Variants in ORC2 observed in about 807,000 individuals in gnomAD.
ORC2 encodes the protein origin recognition complex protein 2 homolog.
Under a neutral mutation model 77.7 loss-of-function variants are expected in ORC2, and 37 were observed. That is an observed-to-expected ratio of 0.48 (90% CI 0.37 to 0.63). The LOEUF (loss-of-function observed/expected upper bound fraction) is 0.63, where lower values mean the gene tolerates loss of function less well. Among genes scored for constraint, ORC2 ranks in the 20% least tolerant of loss-of-function variants. The pLI is 0.00. For synonymous variants in ORC2, 201 were observed against 229.5 expected, an observed-to-expected ratio of 0.88 and a Z score of 1.12; for missense variants, 557 against 661.9, an observed-to-expected ratio of 0.84 and a Z score of 1.74.
chr2:200,913,028 CAAAA>C (rs1553492111), intron 17 of ORC2, among the ~76,000 whole-genome samples: 2 of 152,068 alleles, frequency 1.3e-5, no homozygotes, highest in Non-Finnish European at 2.9e-5. Context: ...AGGGAAAAAA[CAAAA>C]GAACAGAATT....
chr2:200,914,736 C>G (rs1314472973), intron 15 of ORC2, among the ~76,000 whole-genome samples: 1 of 151,936 alleles, frequency 6.6e-6, no homozygotes, highest in Non-Finnish European at 1.5e-5. Context: ...GTGACAGACA[C>G]CCTGTCTCAA....
intron 4 of ORC2, among the ~76,000 whole-genome samples, chr2:200,954,972 C>G (rs1448702830): frequency 6.6e-6 from 1 of 151,512 alleles, no homozygotes; most frequent in Non-Finnish European, 1.5e-5. Context: ...AGTACTGATT[C>G]TCTCAGGCCT....
Position 200,933,776 on chromosome 2 carries a change from A to G in ORC2, c.807+100T>C, listed in dbSNP as rs1176915724. Reference sequence around the variant, plus strand: ...ACTTGTGTTTCATTTGATCAGGACAATAATTCTACTTGTGTATACTTTTCA... The same window carrying G: ...ACTTGTGTTTCATTTGATCAGGACAGTAATTCTACTTGTGTATACTTTTCA... On this transcript the variant is annotated intron_variant, in intron 10 of 17. Coordinates refer to ENST00000234296, the MANE Select transcript of ORC2 (RefSeq NM_006190.5). 9.7e-6 allele frequency: 6 copies of G among 621,148 alleles called. No homozygotes were observed. The East Asian group carries it at 1.3e-4, about 14-fold the overall frequency. The allele number at this position is 621,148 out of a possible 1,614,324, so 38.5% of individuals were successfully genotyped here.
At chr2:200,923,965 T>C (rs1414991400) in intron 13 of ORC2, among the ~76,000 whole-genome samples, 3 of 152,188 alleles carry the variant, frequency 2.0e-5, no homozygotes, top group African/African-American at 7.2e-5. Context: ...GGATTATAAA[T>C]AAATGTTAGC....
intron 17 of ORC2, 146 bp downstream of exon 17, chr2:200,913,149 T>C: frequency 1.9e-6 from 1 of 515,820 alleles, no homozygotes; most frequent in Non-Finnish European, 3.3e-6. Context: ...TTCTACAAAC[T>C]CAAATGGCAC....
chr2:200,957,447 G>C lies in ORC2; in HGVS notation c.192C>G (p.Val64=). 1 of 1,610,188 alleles carries C rather than the reference G, an allele frequency of 6.2e-7. No individual in the cohort carries two copies. Among genetic ancestry groups the C allele is most frequent in the Non-Finnish European group, 8.5e-7 (1 of 1,178,260 alleles). ...TTTCCACATAGTTCTGATCTTTTAA[G>C]ACCTCCTGGTCATCTTCCTCCAAAT... ...EYDLEEDDQE[V]LKDQNYVEIM... The change falls in exon 4 of 18, where the codon GTC becomes GTG. Residue 64 remains valine (V), a synonymous_variant. Coordinates refer to ENST00000234296, the MANE Select transcript of ORC2 (RefSeq NM_006190.5).
rs1156283768 is a variant in ORC2, at chr2:200,963,618, G to C, written c.-188C>G. ...AGCCAATTTCCAGTAATTCGCGCCC[G>C]ACCACCGGGGAGGTAAGGAGCACCG... On this transcript the variant is annotated 5_prime_UTR_variant, in exon 1 of 18. Coordinates refer to ENST00000234296, the MANE Select transcript of ORC2 (RefSeq NM_006190.5). 1 of 398,442 alleles carries C rather than the reference G, an allele frequency of 2.5e-6. No homozygotes were observed. The allele number at this position is 398,442 out of a possible 1,614,324, so 24.7% of individuals were successfully genotyped here.
intron 8 of ORC2, among the ~76,000 whole-genome samples, chr2:200,937,108 A>G (rs2041061426): frequency 6.6e-6 from 1 of 152,158 alleles, no homozygotes; most frequent in African/African-American, 2.4e-5. Context: ...CAGGTACCAG[A>G]AAGTATCTCT....
chr2:200,926,968 C>T (rs1575159757), intron 11 of ORC2, 68 bp from the exon 12 acceptor site: 1 of 1,470,202 alleles, frequency 6.8e-7, no homozygotes, highest in Non-Finnish European at 9.4e-7. Flanking sequence ...TATTATCAAC[C>T]AGTTTCCTTA....
In ORC2 at chr2:200,920,294, A is replaced by T; in HGVS notation, c.1394T>A (p.Leu465Gln). Residue 465 changes from leucine to glutamine, a missense_variant, in exon 15 of 18, where the codon CTG (leucine) becomes CAG (glutamine). Physicochemically the swap from Leu to Gln is moderately radical, Grantham distance 113 (BLOSUM62 -2). Transcript: ENST00000234296. ...TGGCAGGGATCCAGACTGCTTTACC[A>T]GAAGAGAGTTCTCATAGGAGGTTTC... ...TEETSYENSL[L>Q]VKQSGSLPLS... The T allele has an allele frequency of 6.2e-7, 1 of 1,613,992 alleles. No homozygotes were observed. Among genetic ancestry groups the T allele is most frequent in the Non-Finnish European group, 8.5e-7 (1 of 1,179,902 alleles).
chr2:200,919,400 G>A lies in ORC2; in HGVS notation c.1466+822C>T, dbSNP rs751098730. 8.6e-5 allele frequency among the ~76,000 whole-genome samples: 13 copies of A among 151,758 alleles called. No homozygotes were observed. In the East Asian group the frequency reaches 2.1e-3, roughly 25 times the overall value. ...TTTGAGACAGAGATTGCTCTGTCAC[G>A]CAGGCTGGAGTGCAGTGGTGCAATC... On this transcript the variant is annotated intron_variant, in intron 15 of 17. Transcript: ENST00000234296.
chr2:200,954,904 G>A (rs6713233), intron 4 of ORC2, among the ~76,000 whole-genome samples: 22,525 of 144,176 alleles, frequency 0.16, 1,999 homozygotes, highest in African/African-American at 0.19. Context: ...ATGAATGAAT[G>A]AATAAATAAA....
At chr2:200,942,628 G>A in intron 6 of ORC2, 57 bp downstream of exon 6, 1 of 842,288 alleles carries the variant, frequency 1.2e-6, no homozygotes, top group Non-Finnish European at 1.9e-6. Context: ...AAAGTAACAT[G>A]CTCTATCTTG....
At chr2:200,936,795 G>C (rs1009518581) in intron 8 of ORC2, among the ~76,000 whole-genome samples, 1 of 152,092 alleles carries the variant, frequency 6.6e-6, no homozygotes, top group African/African-American at 2.4e-5. Context: ...CAACTCCCCA[G>C]AAATAATATA....
In ORC2 at chr2:200,963,572, AC is replaced by A. The variant is rs1425466309; in HGVS notation, c.-143del. The A allele has an allele frequency of 1.5e-5, 6 of 398,434 alleles. No individual in the cohort carries two copies. The highest frequency in any genetic ancestry group is 8.2e-5 in the African/African-American group (4 of 48,648). 24.7% of individuals were successfully genotyped at this position (398,434 alleles called of 1,614,324 possible). A position where few individuals can be genotyped will look rare whatever the true frequency, so the allele number is the denominator to read the frequency against. On this transcript the variant is annotated 5_prime_UTR_variant, in exon 1 of 18. Transcript: ENST00000234296. ...GCTGAGTCGCCGCCGCAGGGAAGGT[AC>A]CTTCGGCCCCAACGGGAAAAGCCAA...
At chr2:200,921,616 G>A (rs909075409) in intron 13 of ORC2, 1 of 152,078 alleles carries the variant, frequency 6.6e-6, no homozygotes, top group African/African-American at 2.4e-5. Flanking sequence ...CTGAAGTCAG[G>A]CCCTACAGAA....
chr2:200,914,872 A>G (rs1233913135), intron 15 of ORC2, among the ~76,000 whole-genome samples: 1 of 152,154 alleles, frequency 6.6e-6, no homozygotes, highest in Non-Finnish European at 1.5e-5. Context: ...TGGTGTTGAG[A>G]TCATACTGGG....
intron 10 of ORC2, 24 bp from the exon 11 acceptor site, chr2:200,931,472 A>T (rs1452315982): frequency 7.8e-7 from 1 of 1,286,504 alleles, no homozygotes; most frequent in African/African-American, 1.5e-5. Flanking sequence ...GAGGAGGGGA[A>T]AAAAGTCATT....
chr2:200,938,190 A>G (rs2041083019), intron 7 of ORC2, among the ~76,000 whole-genome samples: 2 of 152,082 alleles, frequency 1.3e-5, no homozygotes, highest in South Asian at 2.1e-4. Context: ...CACCACACCC[A>G]GCTAATTTTT....
Sources: allele counts gnomAD v4.1 joint callset (sites outside exome capture counted in the v4.1 genomes callset), GRCh38; gene constraint gnomAD v4.1.1; transcripts MANE v1.5; gene names NCBI Gene and HGNC (gene_info 2026-07-23, HGNC 2026-07-21).